PRKAG2: variants seen among roughly 807,000 people sequenced by gnomAD.
PRKAG2 encodes 5'-AMP-activated protein kinase subunit gamma-2.
A neutral mutation model predicts 69.6 loss-of-function variants in PRKAG2; 26 were observed. The ratio of observed to expected loss-of-function variants is 0.37; its 90% confidence interval spans 0.27 to 0.52. PRKAG2 has a LOEUF of 0.52. Ranked by LOEUF, PRKAG2 falls within the 20% of genes least tolerant of loss-of-function variation. The pLI is 0.90. For synonymous variants in PRKAG2, 293 were observed against 285.0 expected (o/e 1.03, Z -0.28); for missense variants, 557 against 740.0 (o/e 0.75, Z 2.87).
rs186096138 is a variant in PRKAG2, at chr7:151,781,569, C to G, written c.187-138G>C. 885 of 1,126,150 alleles carry G rather than the reference C, an allele frequency of 7.9e-4. 5 individuals are homozygous for G. The highest frequency in any genetic ancestry group is 1.5e-4 in the Non-Finnish European group (118 of 787,388). 69.8% of individuals were successfully genotyped at this position (1,126,150 alleles called of 1,614,324 possible). On this transcript the variant is annotated intron_variant, in intron 2 of 15. Transcript: ENST00000287878. The surrounding 1 kb of genome is among the most constrained non-coding windows in gnomAD (Gnocchi z 6.1). The stretch of plus-strand genomic sequence containing the variant: ...CCTCCCAGAGAAACAGCCCTAAGCT[C>G]TTCCACAGAGGTAGCCACTGAATGG...
chr7:151,648,709 T>C (rs964414108), intron 4 of PRKAG2, among the ~76,000 whole-genome samples: 1 of 152,172 alleles, frequency 6.6e-6, no homozygotes, highest in East Asian at 1.9e-4. Context: ...TGTAAAATAA[T>C]AGTTTACTTT....
chr7:151,650,779 A>G (rs1828368008), intron 4 of PRKAG2, among the ~76,000 whole-genome samples: 1 of 152,212 alleles, frequency 6.6e-6, no homozygotes, highest in South Asian at 2.1e-4. Context: ...TCACTTAAGA[A>G]GGTCTTTGAT....
At chr7:151,748,492 T>G (rs182287481) in intron 3 of PRKAG2, among the ~76,000 whole-genome samples, 2 of 152,274 alleles carry the variant, frequency 1.3e-5, no homozygotes, top group Admixed American at 1.3e-4. Flanking sequence ...CATACAAGGT[T>G]TAACACTGAT....
At chr7:151,720,357 A>G (rs1328043657) in intron 3 of PRKAG2, among the ~76,000 whole-genome samples, 2 of 151,920 alleles carry the variant, frequency 1.3e-5, no homozygotes, top group Non-Finnish European at 2.9e-5. Context: ...AGGAGAGTCT[A>G]CCTAATACAG....
At chr7:151,747,808 T>C (rs970246912) in intron 3 of PRKAG2, among the ~76,000 whole-genome samples, 1 of 152,124 alleles carries the variant, frequency 6.6e-6, no homozygotes, top group African/African-American at 2.4e-5. Flanking sequence ...ATGTCAGATG[T>C]TACTACATTC....
rs1328726240 is a variant in PRKAG2, at chr7:151,637,722, T to A, written c.685-5584A>T. Among the ~76,000 whole-genome samples the A allele has an allele frequency of 6.6e-5, 10 of 151,986 alleles. No individual in the cohort carries two copies. In the East Asian group the frequency reaches 9.7e-4, roughly 15 times the overall value. On this transcript the variant is annotated intron_variant, in intron 4 of 15. Transcript: ENST00000287878. ...AAGTCATGAGGTTTTTTTTTTTTTT[T>A]TATAACACACTAAGTCAATTTCAGG...
chr7:151,591,260 G>C (rs1347155963), intron 6 of PRKAG2, among the ~76,000 whole-genome samples: 2 of 152,248 alleles, frequency 1.3e-5, no homozygotes, highest in African/African-American at 2.4e-5. Flanking sequence ...GACGGAGTCT[G>C]CTTTACCTGG....
intron 4 of PRKAG2, among the ~76,000 whole-genome samples, chr7:151,651,901 G>T (rs1350290934): frequency 6.7e-6 from 1 of 150,040 alleles, no homozygotes; most frequent in Non-Finnish European, 1.5e-5. Flanking sequence ...GACTGGGGCT[G>T]GGGTTGGATG....
chr7:151,669,966 G>C (rs1585636579), intron 4 of PRKAG2, among the ~76,000 whole-genome samples: 2 of 122,618 alleles, frequency 1.6e-5, no homozygotes, highest in African/African-American at 3.2e-5. Context: ...TCACACACCT[G>C]CACACACCTG....
At chr7:151,713,912 C>G (rs1219995731) in intron 3 of PRKAG2, among the ~76,000 whole-genome samples, 1 of 152,156 alleles carries the variant, frequency 6.6e-6, no homozygotes, top group Non-Finnish European at 1.5e-5. Context: ...ACGTATGCAT[C>G]AAAATCACCT....
At chr7:151,601,705 T>C (rs534821385) in intron 5 of PRKAG2, among the ~76,000 whole-genome samples, 43 of 152,196 alleles carry the variant, frequency 2.8e-4, no homozygotes, top group African/African-American at 9.4e-4. Flanking sequence ...TGCCAAAGAA[T>C]GTCCTGGGGC....
At chr7:151,696,360 A>G (rs1305686397) in intron 3 of PRKAG2, among the ~76,000 whole-genome samples, 1 of 152,192 alleles carries the variant, frequency 6.6e-6, no homozygotes, top group African/African-American at 2.4e-5. Flanking sequence ...GGGGTTCCCC[A>G]GTGGGGCTCC....
At chr7:151,869,861 T>G (rs2080171689) in intron 1 of PRKAG2, among the ~76,000 whole-genome samples, 1 of 152,290 alleles carries the variant, frequency 6.6e-6, no homozygotes, top group East Asian at 1.9e-4. Flanking sequence ...GCTTGACTAC[T>G]GAAGGTTCCC....
At chr7:151,623,178 A>G (rs907999259) in intron 5 of PRKAG2, among the ~76,000 whole-genome samples, 3 of 152,136 alleles carry the variant, frequency 2.0e-5, no homozygotes, top group Admixed American at 6.5e-5. Flanking sequence ...CAGCCTGGCC[A>G]ACATGGTAAA....
chr7:151,658,038 G>A (rs1203615336), intron 4 of PRKAG2, among the ~76,000 whole-genome samples: 2 of 151,662 alleles, frequency 1.3e-5, no homozygotes, highest in African/African-American at 4.9e-5. Context: ...CACGCATGTA[G>A]TCCCACCTAC....
In PRKAG2 at chr7:151,677,914, T is replaced by G. The variant is rs537483380; in HGVS notation, c.467-2277A>C. ...GCTGCTCGATTTGCGAATCGTTCATTGCTCAGTCAAACTCCTTTAAACATA... is the reference window on the plus strand; with the variant it reads ...GCTGCTCGATTTGCGAATCGTTCATGGCTCAGTCAAACTCCTTTAAACATA... On this transcript the variant is annotated intron_variant, in intron 3 of 15. Coordinates refer to ENST00000287878, the MANE Select transcript of PRKAG2 (RefSeq NM_016203.4). Among the ~76,000 whole-genome samples the G allele has an allele frequency of 3.1e-4, 47 of 152,360 alleles. No homozygotes were observed. The South Asian group carries it at 7.0e-3, about 23-fold the overall frequency.
chr7:151,804,147 G>A (rs1472275656), intron 1 of PRKAG2, among the ~76,000 whole-genome samples: 5 of 152,058 alleles, frequency 3.3e-5, no homozygotes, highest in Admixed American at 6.6e-5. Context: ...TTACTGCCTC[G>A]CCTATCTGGG....
chr7:151,736,281 G>T (rs1173640287), intron 3 of PRKAG2: 10 of 1,275,548 alleles, frequency 7.8e-6, no homozygotes, highest in Non-Finnish European at 1.0e-5. Context: ...GCGTCAGCCC[G>T]GCTGTCCTTA....
chr7:151,624,180 AT>A (rs1554501993), intron 5 of PRKAG2, among the ~76,000 whole-genome samples: 11 of 129,884 alleles, frequency 8.5e-5, no homozygotes, highest in East Asian at 6.0e-4. Flanking sequence ...ATATATATAT[AT>A]TTTTTTTTTC....
Sources: allele counts gnomAD v4.1 joint callset (sites outside exome capture counted in the v4.1 genomes callset), GRCh38; gene constraint gnomAD v4.1.1; non-coding constraint Gnocchi (gnomAD v3.1); transcripts MANE v1.5; gene names NCBI Gene and HGNC (gene_info 2026-07-23, HGNC 2026-07-21).